MGAT1: variants seen among roughly 807,000 people sequenced by gnomAD.
The protein encoded by MGAT1 is N-glycosyl-oligosaccharide-glycoprotein N-acetylglucosaminyltransferase I.
MGAT1 carries 14 observed loss-of-function variants against 31.7 expected under a neutral mutation model. The ratio of observed to expected loss-of-function variants is 0.44; its 90% CI spans 0.29 to 0.69. MGAT1 has a LOEUF of 0.69. MGAT1 is among the 30% of genes least tolerant of loss of function. The pLI is 0.12. For synonymous variants in MGAT1, 338 were observed against 276.0 expected, an observed-to-expected ratio of 1.22 and a Z score of -2.23; for missense variants, 557 against 626.0, an observed-to-expected ratio of 0.89 and a Z score of 1.18.
rs11307197 is a variant in MGAT1 at position 180,813,088 on chromosome 5, A to AT, written c.-546+2325dup. On this transcript the variant is annotated intron_variant, in intron 1 of 2. Coordinates refer to the MGAT1 transcript ENST00000333055. ...TTGTAGCTAAATCTGTGTGCACGTC[A>AT]TTTTTTTTTTTTTTAGGATAAAGTC... Among the ~76,000 whole-genome samples, 1,333 of 144,546 alleles carry AT rather than the reference A, an allele frequency of 9.2e-3. 7 individuals are homozygous for AT. The highest frequency in any genetic ancestry group is 0.028 in the South Asian group (130 of 4,646). 94.8% of individuals were successfully genotyped at this position (144,546 alleles called of 152,430 possible).
chr5:180,815,086 A>G (rs775104136), intron 1 of MGAT1, among the ~76,000 whole-genome samples: 5 of 152,152 alleles, frequency 3.3e-5, no homozygotes, highest in Admixed American at 6.5e-5. Context: ...TCTTGATGGT[A>G]GGAACTCTCT....
At chr5:180,794,371 G>C (rs932704849) in intron 1 of MGAT1, among the ~76,000 whole-genome samples, 5 of 149,592 alleles carry the variant, frequency 3.3e-5, no homozygotes, top group South Asian at 2.1e-4. Flanking sequence ...TCCAGCCTGG[G>C]CAAGAGAGTG....
intron 1 of MGAT1, chr5:180,795,600 G>A (rs987961547): frequency 5.9e-5 from 9 of 152,182 alleles, no homozygotes; most frequent in African/African-American, 1.7e-4. Context: ...AGCAAATGGA[G>A]CAAAATATTA....
chr5:180,808,048 G>A (rs1410215173), intron 2 of MGAT1, among the ~76,000 whole-genome samples: 2 of 152,190 alleles, frequency 1.3e-5, no homozygotes, highest in Non-Finnish European at 1.5e-5. Context: ...AGAGAACATG[G>A]CCTGTGTAGG....
At position 180,794,411 on chromosome 5, in the gene MGAT1, T is replaced by TTTTATATATATATATATA. The variant is rs528893463; in HGVS notation, c.-126-1315_-126-1314insTATATATATATATATAAA. On this transcript the variant is annotated intron_variant, in intron 1 of 1. Transcript: ENST00000307826. ...TCTGTCTCAAAAAAATTTTTTTTTATTATATATATATATATATGGCATACT... is the reference window on the plus strand; with the variant it reads ...TCTGTCTCAAAAAAATTTTTTTTTATTTTATATATATATATATATATATATATATATATATGGCATACT... Among the ~76,000 whole-genome samples, 234 of 142,024 alleles carry TTTTATATATATATATATA rather than the reference T, an allele frequency of 1.6e-3. 5 individuals are homozygous for TTTTATATATATATATATA. The highest frequency in any genetic ancestry group is 3.0e-3 in the South Asian group (14 of 4,638). 93.2% of individuals were successfully genotyped at this position (142,024 alleles called of 152,430 possible).
chr5:180,812,924 AGAAAT>A (rs1159456043), intron 1 of MGAT1, among the ~76,000 whole-genome samples: 3 of 152,242 alleles, frequency 2.0e-5, no homozygotes, highest in African/African-American at 4.8e-5. Flanking sequence ...ACCAGCAGCT[AGAAAT>A]AAGTTTATGA....
At chr5:180,814,660 G>C (rs897893665) in intron 1 of MGAT1, among the ~76,000 whole-genome samples, 1 of 152,140 alleles carries the variant, frequency 6.6e-6, no homozygotes, top group African/African-American at 2.4e-5. Flanking sequence ...CTGAAACTGG[G>C]GTCGGGTGCA....
In MGAT1 at chr5:180,791,775, C is replaced by G. The variant is rs571716109; in HGVS notation, c.1197G>C (p.Lys399Asn). The change falls in exon 2 of 2, where the codon AAG (lysine) becomes AAC (asparagine). Residue 399 changes from lysine to asparagine, a missense_variant. Physicochemically the swap from Lys to Asn is moderately conservative, Grantham distance 94 (BLOSUM62 0). Transcript: ENST00000307826. ...TGRDSFKAFA[K>N]ALGVMDDLKS... ...TAAGGTCATCCATGACACCCAGAGC[C>G]TTGGCGAAAGCCTTGAAGCTGTCCC... 6.2e-7 allele frequency: 1 copy of G among 1,614,240 alleles called. No homozygotes were observed. The highest frequency in any genetic ancestry group is 1.3e-5 in the African/African-American group (1 of 75,074).
intron 1 of MGAT1, among the ~76,000 whole-genome samples, chr5:180,813,184 T>C (rs1311216536): frequency 6.6e-6 from 1 of 152,154 alleles, no homozygotes; most frequent in Non-Finnish European, 1.5e-5. Flanking sequence ...CACAGAAAGA[T>C]GGCACAGCTT....
chr5:180,794,411 T>TTTTATATATATATATATATATA lies in MGAT1; in HGVS notation c.-126-1315_-126-1314insTATATATATATATATATATAAA, dbSNP rs528893463. On this transcript the variant is annotated intron_variant, in intron 1 of 1. Transcript: ENST00000307826. Reference sequence around the variant, plus strand: ...TCTGTCTCAAAAAAATTTTTTTTTATTATATATATATATATATGGCATACT... The same window carrying TTTTATATATATATATATATATA: ...TCTGTCTCAAAAAAATTTTTTTTTATTTTATATATATATATATATATATATATATATATATATATGGCATACT... 1.5e-4 allele frequency among the ~76,000 whole-genome samples: 21 copies of TTTTATATATATATATATATATA among 142,030 alleles called. No individual in the cohort carries two copies. The East Asian group carries it at 2.0e-3, about 13-fold the overall frequency. 93.2% of individuals were successfully genotyped at this position (142,030 alleles called of 152,430 possible).
At position 180,792,364 on chromosome 5, in the gene MGAT1, G is replaced by A. The variant is rs1581798931; in HGVS notation, c.608C>T (p.Pro203Leu). 1 of 1,611,170 alleles carries A rather than the reference G, an allele frequency of 6.2e-7. No individual in the cohort carries two copies. The highest frequency in any genetic ancestry group is 8.5e-7 in the Non-Finnish European group (1 of 1,178,270). ...LGQVFRQFRF[P>L]AAVVVEDDLE... ...GTCATCCTCCACCACCACGGCCGCG[G>A]GGAAGCGAAACTGCCGGAAGACCTG... is the stretch of plus-strand genomic sequence containing the variant. The change falls in exon 2 of 2, where the codon CCC becomes CTC. Residue 203 changes from proline (P) to leucine (L), a missense_variant. By Grantham distance (98) the Pro-to-Leu change is moderately conservative. Coordinates refer to ENST00000307826, the MANE Select transcript of MGAT1 (RefSeq NM_002406.4).
At position 180,791,704 on chromosome 5, in the gene MGAT1, T is replaced by C. The variant is rs1484506031; in HGVS notation, c.1268A>G (p.Gln423Arg). 13 of 1,613,778 alleles carry C rather than the reference T, an allele frequency of 8.1e-6. No individual in the cohort carries two copies. Among genetic ancestry groups the C allele is most frequent in the African/African-American group, 1.3e-5 (1 of 74,912 alleles). ...CAGGTGGACACGGCGGCCCCGGAAC[T>C]GGAAGGTGACAATACCCCGGTAGCC... ...RAGYRGIVTF[Q>R]FRGRRVHLAP... Residue 423 changes from glutamine (Q) to arginine (R), a missense_variant, in exon 2 of 2, where the codon CAG becomes CGG. Around this residue, in one of 3 missense-constraint regions of MGAT1, gnomAD observed 145 missense variants for 143.2 expected, o/e 1.01. Transcript: ENST00000307826.
intron 1 of MGAT1, among the ~76,000 whole-genome samples, chr5:180,812,846 T>C (rs1048923502): frequency 6.6e-6 from 1 of 152,130 alleles, no homozygotes; most frequent in Non-Finnish European, 1.5e-5. Context: ...TAAAAAATTA[T>C]TAAAAAATAT....
rs886168039 is a variant in MGAT1 at position 180,791,381 on chromosome 5, G to A, written c.*253C>T. The A allele has an allele frequency of 1.8e-6, 1 of 562,906 alleles. No individual in the cohort carries two copies. The highest frequency in any genetic ancestry group is 3.1e-6 in the Non-Finnish European group (1 of 319,380). 34.9% of individuals were successfully genotyped at this position (562,906 alleles called of 1,614,324 possible). On this transcript the variant is annotated 3_prime_UTR_variant, in exon 2 of 2. Coordinates refer to ENST00000307826, the MANE Select transcript of MGAT1 (RefSeq NM_002406.4). ...CATTTCTGGCCCCAACAAGCCCAGT[G>A]CCCCCCACCACACAGTGGTTTCCTG...
rs749524066 is a variant in MGAT1, at chr5:180,792,295, T to C, written c.677A>G (p.Tyr226Cys). ...GGAGGGGTCGGCCTTCAGCAGCGGA[T>C]AGGTGGCCCGAAAGTACTCGAAGAA... ...PDFFEYFRAT[Y>C]PLLKADPSLW... is the part of the protein sequence containing the mutation. Residue 226 changes from tyrosine (Y) to cysteine (C), a missense_variant, in exon 2 of 2, where the codon TAT becomes TGT. Tyr to Cys is a radical substitution (Grantham distance 194). Coordinates refer to ENST00000307826, the MANE Select transcript of MGAT1 (RefSeq NM_002406.4). 3 of 1,610,284 alleles carry C rather than the reference T, an allele frequency of 1.9e-6. No individual in the cohort carries two copies. Among genetic ancestry groups the C allele is most frequent in the African/African-American group, 1.3e-5 (1 of 74,902 alleles).
upstream of MGAT1, among the ~76,000 whole-genome samples, chr5:180,805,986 T>C (rs1406220548): frequency 6.6e-6 from 1 of 151,882 alleles, no homozygotes; most frequent in African/African-American, 2.4e-5. Context: ...AAATAATTAA[T>C]TGAGTTAAAA....
At chr5:180,802,417 C>T (rs920856763) in intron 1 of MGAT1, among the ~76,000 whole-genome samples, 5 of 152,144 alleles carry the variant, frequency 3.3e-5, no homozygotes, top group African/African-American at 1.2e-4. Context: ...CAACATCCTC[C>T]CCAGTCCGCG....
intron 1 of MGAT1, among the ~76,000 whole-genome samples, chr5:180,801,705 T>C (rs1213905418): frequency 2.0e-5 from 3 of 152,228 alleles, no homozygotes; most frequent in Non-Finnish European, 4.4e-5. Context: ...CTTAGTTCTC[T>C]CATCTATAAG....
In MGAT1 at chr5:180,792,986, G is replaced by A. The variant is rs1227612087; in HGVS notation, c.-15C>T. 6.2e-7 allele frequency: 1 copy of A among 1,612,536 alleles called. No individual in the cohort carries two copies. The highest frequency in any genetic ancestry group is 8.5e-7 in the Non-Finnish European group (1 of 1,179,748). On this transcript the variant is annotated 5_prime_UTR_variant, in exon 2 of 2. Coordinates refer to ENST00000307826, the MANE Select transcript of MGAT1 (RefSeq NM_002406.4). ...TTCTTCAGCATCCTGGCCCCCACCG[G>A]GGAGGGCAGGCCAGGGGACGGTTCA...
Sources: gnomAD v4.1 joint callset for allele counts (sites outside exome capture counted in the v4.1 genomes callset) on GRCh38, gnomAD v4.1.1 for gene constraint, gnomAD v4.1.1 regional missense constraint, MANE v1.5 for transcripts, NCBI Gene and HGNC (gene_info 2026-07-23, HGNC 2026-07-21) for gene names.